RIMKLB: variants seen among roughly 807,000 people sequenced by gnomAD.
The protein encoded by RIMKLB is ribosomal modification protein rimK like family member B, also known as beta-citrylglutamate synthase B.
In RIMKLB, 7 loss-of-function variants were observed where a neutral mutation model predicts 32.0. That is an observed-to-expected ratio of 0.22 (90% confidence interval 0.12 to 0.41). The LOEUF is 0.41. Among genes scored for constraint, RIMKLB ranks in the 10% least tolerant of loss-of-function variants. The pLI is 1.00. For missense variants in RIMKLB, 289 were observed against 498.7 expected (o/e 0.58, Z 4.00); for synonymous variants, 172 against 185.1 (o/e 0.93, Z 0.57).
chr12:8,778,092 CTTTG>C (rs1203556100), downstream of RIMKLB, among the ~76,000 whole-genome samples: 1 of 151,962 alleles, frequency 6.6e-6, no homozygotes, highest in Non-Finnish European at 1.5e-5. Context: ...AATTTTTTGG[CTTTG>C]TTTTTGTTTT....
intron 2 of RIMKLB, among the ~76,000 whole-genome samples, chr12:8,741,872 A>C (rs1186459637): frequency 6.6e-6 from 1 of 151,854 alleles, no homozygotes; most frequent in Non-Finnish European, 1.5e-5. Flanking sequence ...ACAAACCTGC[A>C]TGTGTACCCC....
chr12:8,773,209 G>A (rs1004206143), intron 5 of RIMKLB, 112 bp from the exon 6 acceptor site: 22 of 726,216 alleles, frequency 3.0e-5, no homozygotes, highest in African/African-American at 1.4e-4. Flanking sequence ...CTAGAATAAC[G>A]CCTTTGTTTT....
At chr12:8,780,679 G>A (rs1253563439), downstream of RIMKLB, 10 of 152,172 alleles carry the variant, frequency 6.6e-5, no homozygotes, top group Admixed American at 6.5e-4. Flanking sequence ...GACATACCAA[G>A]TGAAGCAAGG....
chr12:8,716,761 G>T (rs1184862945), intron 2 of RIMKLB, among the ~76,000 whole-genome samples: 1 of 140,364 alleles, frequency 7.1e-6, no homozygotes, highest in Non-Finnish European at 1.5e-5. Flanking sequence ...CTTTGAGACG[G>T]GGTCTCGCTC....
intron 4 of RIMKLB, 126 bp from the exon 5 acceptor site, chr12:8,753,764 A>C (rs766217562): frequency 2.8e-6 from 2 of 724,450 alleles, no homozygotes; most frequent in Admixed American, 2.6e-5. Context: ...TCTAACAAAG[A>C]AAACTTAAAA....
upstream of RIMKLB, among the ~76,000 whole-genome samples, chr12:8,697,518 G>A (rs938175646): frequency 6.6e-5 from 10 of 152,104 alleles, no homozygotes; most frequent in African/African-American, 2.4e-4. Flanking sequence ...GGCCTAAGCA[G>A]GGAATGTGAG....
Position 8,754,018 on chromosome 12 carries a change from G to C in RIMKLB, c.622G>C (p.Val208Leu). The C allele has an allele frequency of 1.2e-6, 2 of 1,614,060 alleles. No individual in the cohort carries two copies. Among genetic ancestry groups the C allele is most frequent in the Non-Finnish European group, 1.7e-6 (2 of 1,179,904 alleles). Reference protein sequence around the residue: ...ESHGRDVRVIVVGGRVVGTML... With the variant: ...ESHGRDVRVILVGGRVVGTML... ...TCATGGACGGGATGTACGTGTCATT[G>C]TCGTGGGAGGCCGTGTGGTTGGCAC... Residue 208 changes from valine to leucine, a missense_variant, in exon 5 of 6, where the codon GTC becomes CTC. By Grantham distance (32) the Val-to-Leu change is conservative. This residue lies in a region of RIMKLB where 156 missense variants were observed against 329.5 expected (regional missense o/e 0.47). Coordinates refer to ENST00000535829, the MANE Select transcript of RIMKLB (RefSeq NM_001297776.2).
chr12:8,709,295 A>G (rs933869935), intron 1 of RIMKLB, among the ~76,000 whole-genome samples: 3 of 152,224 alleles, frequency 2.0e-5, no homozygotes, highest in African/African-American at 7.2e-5. Context: ...CTCCTGTACT[A>G]TTTAGATTTA....
At chr12:8,698,790 C>A (rs1286836766) in intron 1 of RIMKLB, among the ~76,000 whole-genome samples, 1 of 152,064 alleles carries the variant, frequency 6.6e-6, no homozygotes, top group Admixed American at 6.5e-5. Context: ...TATTCGATTC[C>A]ACGTTTTCCT....
At chr12:8,712,668 A>G (rs1944472714) in intron 1 of RIMKLB, among the ~76,000 whole-genome samples, 1 of 152,104 alleles carries the variant, frequency 6.6e-6, no homozygotes, top group South Asian at 2.1e-4. Context: ...GTGCTTGGGA[A>G]TGTGTGCTGT....
intron 2 of RIMKLB, among the ~76,000 whole-genome samples, chr12:8,745,321 C>G (rs921739291): frequency 6.6e-6 from 1 of 151,598 alleles, no homozygotes; most frequent in African/African-American, 2.4e-5. Context: ...TATTGAGGTC[C>G]TAGGTGTCCC....
intron 1 of RIMKLB, among the ~76,000 whole-genome samples, chr12:8,707,600 C>T (rs1346539491): frequency 6.6e-6 from 1 of 152,206 alleles, no homozygotes; most frequent in African/African-American, 2.4e-5. Context: ...GTTAGCCCGT[C>T]TCCCGTCTCC....
the RIMKLB span, among the ~76,000 whole-genome samples, chr12:8,671,501 C>T: frequency 3.3e-5 from 5 of 152,124 alleles, no homozygotes; most frequent in Non-Finnish European, 7.4e-5. Flanking sequence ...CTGCCCGCCT[C>T]GGCCTTCCAG....
At chr12:8,759,565 T>A (rs1286410124) in intron 5 of RIMKLB, among the ~76,000 whole-genome samples, 1 of 152,208 alleles carries the variant, frequency 6.6e-6, no homozygotes, top group Admixed American at 6.5e-5. Flanking sequence ...TGGTCATTTG[T>A]ATTTACTTGT....
intron 2 of RIMKLB, among the ~76,000 whole-genome samples, chr12:8,716,007 G>A (rs1944797207): frequency 6.6e-6 from 1 of 152,178 alleles, no homozygotes; most frequent in African/African-American, 2.4e-5. Flanking sequence ...GACACTTAGT[G>A]TATTGGGAGC....
intron 2 of RIMKLB, among the ~76,000 whole-genome samples, chr12:8,732,775 ACACACACT>A (rs762537127): frequency 0.02 from 2,976 of 151,968 alleles, 98 homozygotes; most frequent in African/African-American, 0.068. Context: ...ACACACACAC[ACACACACT>A]CTCTTTAATT....
Position 8,698,235 on chromosome 12 carries a change from C to G in RIMKLB, c.-119C>G. On this transcript the variant is annotated 5_prime_UTR_variant, in exon 1 of 6. Transcript: ENST00000535829. Reference sequence around the variant, plus strand: ...ACTTCCAGCCGCCCGGCGGCCCGCGCTTCCTCGAAGGCCCCAGCCCGGCTC... The same window carrying G: ...ACTTCCAGCCGCCCGGCGGCCCGCGGTTCCTCGAAGGCCCCAGCCCGGCTC... 1 of 375,400 alleles carries G rather than the reference C, an allele frequency of 2.7e-6. No homozygotes were observed. Among genetic ancestry groups the G allele is most frequent in the South Asian group, 1.8e-5 (1 of 56,542 alleles). The allele number at this position is 375,400 out of a possible 1,614,324, so 23.3% of individuals were successfully genotyped here.
chr12:8,754,022 T>C lies in RIMKLB; in HGVS notation c.626T>C (p.Val209Ala). ...GGACGGGATGTACGTGTCATTGTCGTGGGAGGCCGTGTGGTTGGCACCATG... is the reference window on the plus strand; with the variant it reads ...GGACGGGATGTACGTGTCATTGTCGCGGGAGGCCGTGTGGTTGGCACCATG... ...SHGRDVRVIV[V>A]GGRVVGTMLR... The change falls in exon 5 of 6, where the codon GTG becomes GCG. Residue 209 changes from valine (V) to alanine (A), a missense_variant. Physicochemically the swap from Val to Ala is moderately conservative, Grantham distance 64. This residue lies in a region of RIMKLB where 156 missense variants were observed against 329.5 expected (regional missense o/e 0.47). Coordinates refer to ENST00000535829, the MANE Select transcript of RIMKLB (RefSeq NM_001297776.2). 6.2e-7 allele frequency: 1 copy of C among 1,614,068 alleles called. No homozygotes were observed. Among genetic ancestry groups the C allele is most frequent in the Non-Finnish European group, 8.5e-7 (1 of 1,179,928 alleles).
chr12:8,767,329 C>T (rs747762944), intron 5 of RIMKLB, among the ~76,000 whole-genome samples: 11 of 152,218 alleles, frequency 7.2e-5, no homozygotes, highest in Middle Eastern at 3.4e-3. Flanking sequence ...CTGCCCATGT[C>T]GAGAGCTGTA....
Sources: allele counts gnomAD v4.1 joint callset (sites outside exome capture counted in the v4.1 genomes callset), GRCh38; gene constraint gnomAD v4.1.1; regional missense constraint gnomAD v4.1.1; transcripts MANE v1.5; gene names NCBI Gene and HGNC (gene_info 2026-07-23, HGNC 2026-07-21).